Variants in NOL4 observed in about 807,000 individuals in gnomAD.
NOL4 encodes cancer/testis antigen 125.
Under a neutral mutation model 75.9 loss-of-function variants are expected in NOL4, and 17 were observed. The ratio of observed to expected loss-of-function variants is 0.22; its 90% CI spans 0.15 to 0.34. The LOEUF (loss-of-function observed/expected upper bound fraction) is 0.34. Ranked by LOEUF, NOL4 falls within the 10% of genes least tolerant of loss-of-function variation. The pLI, the probability that NOL4 is intolerant of heterozygous loss-of-function variation, is 1.00. For missense variants in NOL4, 614 were observed against 793.5 expected (o/e 0.77, Z 2.72); for synonymous variants, 292 against 289.9 (o/e 1.01, Z -0.07).
At chr18:33,912,853 T>C (rs1040878454) in intron 9 of NOL4, among the ~76,000 whole-genome samples, 3 of 152,118 alleles carry the variant, frequency 2.0e-5, no homozygotes, top group African/African-American at 7.2e-5. Flanking sequence ...TAGACTAAAA[T>C]CAATTATAAT....
chr18:33,908,039 T>C (rs1848810886), intron 9 of NOL4, among the ~76,000 whole-genome samples: 1 of 151,868 alleles, frequency 6.6e-6, no homozygotes, highest in South Asian at 2.1e-4. Context: ...GGACCTACAA[T>C]TTATGTTAAA....
chr18:34,186,222 A>G (rs2034449916), intron 1 of NOL4, among the ~76,000 whole-genome samples: 1 of 152,130 alleles, frequency 6.6e-6, no homozygotes, highest in South Asian at 2.1e-4. Flanking sequence ...GCTCACTTCT[A>G]CCATATTGAT....
chr18:33,860,072 A>C (rs1274353599), intron 10 of NOL4, among the ~76,000 whole-genome samples: 1 of 152,080 alleles, frequency 6.6e-6, no homozygotes, highest in Non-Finnish European at 1.5e-5. Context: ...ACAAGGTGGC[A>C]GGCGAGAGAG....
intron 6 of NOL4, among the ~76,000 whole-genome samples, chr18:33,961,590 C>T (rs2070131523): frequency 6.6e-6 from 1 of 152,042 alleles, no homozygotes; most frequent in African/African-American, 2.4e-5. Flanking sequence ...TATTATATAT[C>T]TTATTGATTC....
At chr18:34,037,048 T>C (rs569081025) in intron 5 of NOL4, among the ~76,000 whole-genome samples, 2 of 152,164 alleles carry the variant, frequency 1.3e-5, no homozygotes, top group East Asian at 3.9e-4. Context: ...ACCAAAAAAC[T>C]CTTATATCTG....
At chr18:33,928,691 T>C (rs928092767) in intron 9 of NOL4, among the ~76,000 whole-genome samples, 2 of 151,938 alleles carry the variant, frequency 1.3e-5, no homozygotes, top group Non-Finnish European at 2.9e-5. Flanking sequence ...TATTCTAAAG[T>C]TTTTTTTAAA....
chr18:34,155,144 G>C lies in NOL4; in HGVS notation c.265-25124C>G, dbSNP rs374349910. 4.7e-4 allele frequency among the ~76,000 whole-genome samples: 72 copies of C among 151,970 alleles called. 1 individual carries two copies. Among genetic ancestry groups the C allele is most frequent in the South Asian group, 3.5e-3 (17 of 4,826 alleles). ...AAAAATAAATCTGCCACAAATACGT[G>C]AAAGTTGGTCAGAGAGATGTTAAAA... On this transcript the variant is annotated intron_variant, in intron 1 of 10. Transcript: ENST00000261592.
intron 1 of NOL4, among the ~76,000 whole-genome samples, chr18:34,211,017 T>A (rs543403046): frequency 1.3e-5 from 2 of 151,714 alleles, no homozygotes; most frequent in South Asian, 4.2e-4. Context: ...ACGGTGGAGG[T>A]TGCAGTGAGC....
intron 5 of NOL4, among the ~76,000 whole-genome samples, chr18:34,030,599 G>A (rs553857470): frequency 1.3e-3 from 191 of 152,230 alleles, no homozygotes; most frequent in African/African-American, 4.0e-3. Flanking sequence ...ATGTGTTAAT[G>A]GATACAAAAT....
At chr18:33,898,529 T>C (rs577317584) in intron 9 of NOL4, among the ~76,000 whole-genome samples, 71 of 152,308 alleles carry the variant, frequency 4.7e-4, no homozygotes, top group Admixed American at 9.2e-4. Context: ...TTCTAGTTAA[T>C]GCACCATGCC....
intron 6 of NOL4, among the ~76,000 whole-genome samples, chr18:33,975,404 T>C (rs1042129378): frequency 2.0e-5 from 3 of 152,218 alleles, no homozygotes; most frequent in Non-Finnish European, 4.4e-5. Context: ...AGGAATATCT[T>C]CTTCTTTTCC....
chr18:34,152,643 C>T (rs1014765140), intron 1 of NOL4, among the ~76,000 whole-genome samples: 6 of 151,698 alleles, frequency 4.0e-5, no homozygotes, highest in Admixed American at 2.0e-4. Context: ...AGAGTTTGTC[C>T]GACAGCAAAC....
chr18:34,024,851 A>G (rs1446506314), intron 5 of NOL4, among the ~76,000 whole-genome samples: 1 of 152,210 alleles, frequency 6.6e-6, no homozygotes, highest in Non-Finnish European at 1.5e-5. Flanking sequence ...TGGGCACTAA[A>G]ACCTCTAACA....
chr18:33,960,019 T>C (rs2069978444), intron 6 of NOL4, among the ~76,000 whole-genome samples: 1 of 152,072 alleles, frequency 6.6e-6, no homozygotes, highest in Non-Finnish European at 1.5e-5. Context: ...TATGTACATG[T>C]TAATCTTTAA....
At chr18:33,979,920 G>A (rs561108273) in intron 6 of NOL4, among the ~76,000 whole-genome samples, 1 of 152,060 alleles carries the variant, frequency 6.6e-6, no homozygotes, top group Admixed American at 6.6e-5. Context: ...TCATAAGAAA[G>A]CAATTTTAAT....
chr18:34,138,085 C>T (rs61393476), intron 1 of NOL4, among the ~76,000 whole-genome samples: 76,409 of 151,936 alleles, frequency 0.5, 19,296 homozygotes, highest in Admixed American at 0.57. Context: ...TGATTCAATT[C>T]ATATGAAATG....
At chr18:33,855,565 A>T (rs955947319) in intron 10 of NOL4, among the ~76,000 whole-genome samples, 1 of 152,088 alleles carries the variant, frequency 6.6e-6, no homozygotes, top group South Asian at 2.1e-4. Context: ...TTAAAGGCAC[A>T]TACCAAGGCA....
At chr18:34,194,921 G>A (rs2035215686) in intron 1 of NOL4, among the ~76,000 whole-genome samples, 1 of 151,838 alleles carries the variant, frequency 6.6e-6, no homozygotes, top group South Asian at 2.1e-4. Flanking sequence ...CTACTCGTGA[G>A]GCTAGGGCAG....
intron 9 of NOL4, among the ~76,000 whole-genome samples, chr18:33,895,026 A>C (rs2065315938): frequency 6.6e-6 from 1 of 152,182 alleles, no homozygotes; most frequent in Non-Finnish European, 1.5e-5. Flanking sequence ...TATGTCAATT[A>C]GCTTGATTTA....
Sources: gnomAD v4.1 joint callset for allele counts (sites outside exome capture counted in the v4.1 genomes callset) on GRCh38, gnomAD v4.1.1 for gene constraint, MANE v1.5 for transcripts, NCBI Gene and HGNC (gene_info 2026-07-23, HGNC 2026-07-21) for gene names.